The following EPS8L2 variants were observed in gnomAD, a reference collection of about 807,000 sequenced individuals.
EPS8L2 encodes epidermal growth factor receptor kinase substrate 8-like protein 2.
Under a neutral mutation model 99.4 loss-of-function variants are expected in EPS8L2, and 81 were observed. The observed-to-expected ratio is 0.82, with a 90% confidence interval of 0.68 to 0.98. The LOEUF (loss-of-function observed/expected upper bound fraction) is 0.98, where lower values mean the gene tolerates loss of function less well. Ranked by LOEUF, EPS8L2 falls within the 50% of genes least tolerant of loss-of-function variation. EPS8L2 has a pLI of 0.00. For synonymous variants in EPS8L2, 509 were observed against 407.3 expected (o/e 1.25, Z -3.01); for missense variants, 1,155 against 968.8 (o/e 1.19, Z -2.55).
chr11:720,989 AGG>A, intron 7 of EPS8L2, 73 bp from the exon 8 acceptor site: 1 of 1,420,462 alleles, frequency 7.0e-7, no homozygotes, highest in Non-Finnish European at 9.4e-7. Flanking sequence ...CCGGCAGGGG[AGG>A]GGAGGAGCCC....
intron 4 of EPS8L2, among the ~76,000 whole-genome samples, chr11:711,006 G>T (rs1039564707): frequency 8.5e-5 from 13 of 152,172 alleles, no homozygotes; most frequent in Non-Finnish European, 1.6e-4. Context: ...GATGGGAAGA[G>T]CCCCTGGAGG....
In EPS8L2 at chr11:722,350, T is replaced by C. The variant is rs769423936; in HGVS notation, c.1060-51T>C. 7.5e-6 allele frequency: 12 copies of C among 1,596,178 alleles called. No individual in the cohort carries two copies. The Admixed American group carries it at 1.0e-4, about 13-fold the overall frequency. Reference sequence around the variant, plus strand: ...CCAGCCTGTGGAGCTACGGGGGTGCTGGGCCAGGGTCTGTGGGCCTCAGTC... The same window carrying C: ...CCAGCCTGTGGAGCTACGGGGGTGCCGGGCCAGGGTCTGTGGGCCTCAGTC... On this transcript the variant is annotated intron_variant, in intron 12 of 20. Transcript: ENST00000318562.
At chr11:726,529 GAGGTGCGGCCGA>G in intron 19 of EPS8L2, 45 bp downstream of exon 19, 1 of 1,514,872 alleles carries the variant, frequency 6.6e-7, no homozygotes, top group Non-Finnish European at 8.8e-7. Context: ...CGAGGGGTGG[GAGGTGCGGCCGA>G]AGGTGCGCAG....
At chr11:711,455 CT>C (rs1861888891) in intron 4 of EPS8L2, among the ~76,000 whole-genome samples, 1 of 152,126 alleles carries the variant, frequency 6.6e-6, no homozygotes, top group South Asian at 2.1e-4. Context: ...AAGTGATCCC[CT>C]CACCTCAGCC....
In EPS8L2 at chr11:724,878, T is replaced by A; in HGVS notation, c.1560+49T>A. The A allele has an allele frequency of 7.1e-7, 1 of 1,405,460 alleles. No homozygotes were observed. The highest frequency in any genetic ancestry group is 1.0e-6 in the Non-Finnish European group (1 of 994,626). 87.1% of individuals were successfully genotyped at this position (1,405,460 alleles called of 1,614,324 possible). ...CAAGAGGGGGAAACAGGGCAGGGCTTCAAGGGAGGGGCTACCAGGGGAGGT... is the reference window on the plus strand; with the variant it reads ...CAAGAGGGGGAAACAGGGCAGGGCTACAAGGGAGGGGCTACCAGGGGAGGT... On this transcript the variant is annotated intron_variant, in intron 16 of 20. Transcript: ENST00000318562. This position sits in a 1 kb window ranked among gnomAD's most constrained non-coding sequence, Gnocchi z 5.5.
Position 724,705 on chromosome 11 carries a change from C to T in EPS8L2, c.1455-19C>T. On this transcript the variant is annotated intron_variant, in intron 15 of 20. Coordinates refer to ENST00000318562, the MANE Select transcript of EPS8L2 (RefSeq NM_022772.4). The surrounding 1 kb of genome is among the most constrained non-coding windows in gnomAD (Gnocchi z 5.5). Reference sequence around the variant, plus strand: ...AGACCCCCACCAGACTGGGCCTCAGCCCCTCCTGTTCCTCACAGGGGCTAC... The same window carrying T: ...AGACCCCCACCAGACTGGGCCTCAGTCCCTCCTGTTCCTCACAGGGGCTAC... 1.9e-6 allele frequency: 3 copies of T among 1,592,908 alleles called. No homozygotes were observed. The highest frequency in any genetic ancestry group is 1.1e-5 in the South Asian group (1 of 90,658).
At chr11:718,426 T>A (rs2133518465) in intron 4 of EPS8L2, among the ~76,000 whole-genome samples, 1 of 152,148 alleles carries the variant, frequency 6.6e-6, no homozygotes, top group Admixed American at 6.5e-5. Flanking sequence ...TTGTAATTCT[T>A]TCATTCAATG....
intron 10 of EPS8L2, 90 bp downstream of exon 10, chr11:721,781 A>G (rs775274365): frequency 6.6e-7 from 1 of 1,523,248 alleles, no homozygotes; most frequent in East Asian, 2.3e-5. Context: ...AGGGACATCC[A>G]TGGGGGCTAC....
At position 724,285 on chromosome 11, in the gene EPS8L2, C is replaced by T. The variant is rs370688881; in HGVS notation, c.1455-439C>T. On this transcript the variant is annotated intron_variant, in intron 15 of 20. Coordinates refer to ENST00000318562, the MANE Select transcript of EPS8L2 (RefSeq NM_022772.4). This position sits in a 1 kb window ranked among gnomAD's most constrained non-coding sequence, Gnocchi z 5.5. ...ACCCCACAGAGAGGAGCTTGAGACC[C>T]GTCCTCCACTGGACCATTTGGGCTG... is the stretch of plus-strand genomic sequence containing the variant. Among the ~76,000 whole-genome samples, 153 of 152,332 alleles carry T rather than the reference C, an allele frequency of 1.0e-3. No homozygotes were observed. The highest frequency in any genetic ancestry group is 3.1e-3 in the East Asian group (16 of 5,190).
intron 5 of EPS8L2, 187 bp downstream of exon 5, chr11:720,410 T>C: frequency 8.8e-7 from 1 of 1,135,694 alleles, no homozygotes; most frequent in Non-Finnish European, 1.2e-6. Context: ...CAGGGAAGTT[T>C]GGAAGCCGGG....
rs1214453901 is a variant in EPS8L2, at chr11:723,187, C to T, written c.1342-54C>T. 9 of 923,626 alleles carry T rather than the reference C, an allele frequency of 9.7e-6. No individual in the cohort carries two copies. In the East Asian group the frequency reaches 1.5e-4, roughly 15 times the overall value. 57.2% of individuals were successfully genotyped at this position (923,626 alleles called of 1,614,324 possible). On this transcript the variant is annotated intron_variant, in intron 14 of 20. Coordinates refer to ENST00000318562, the MANE Select transcript of EPS8L2 (RefSeq NM_022772.4). ...CAGCCCCTGTCATATGCCCCCTCGT[C>T]CTGGGACCCAGCCCCGCCCCATGTC... is the stretch of plus-strand genomic sequence containing the variant.
chr11:709,419 C>T lies in EPS8L2; in HGVS notation c.12C>T (p.Ser4=), dbSNP rs763464125. Residue 4 remains serine (S), a synonymous_variant, in exon 2 of 21, where the codon TCC becomes TCT. Transcript: ENST00000318562. MSQ[S]GAVSCCPGAT... ...CCACCCAAGACACCATGAGCCAGTC[C>T]GGGGCCGTGAGCTGCTGCCCGGGTG... 12 of 1,590,970 alleles carry T rather than the reference C, an allele frequency of 7.5e-6. No individual in the cohort carries two copies. The highest frequency in any genetic ancestry group is 1.0e-5 in the Non-Finnish European group (12 of 1,170,350).
rs762500201 is a variant in EPS8L2 at position 722,397 on chromosome 11, C to G, written c.1060-4C>G. On this transcript the variant is annotated splice_region_variant and splice_polypyrimidine_tract_variant and intron_variant, in intron 12 of 20. Transcript: ENST00000318562. The stretch of plus-strand genomic sequence containing the variant: ...AGTCCCCTCTGAACCTCACTGTGCC[C>G]CAGATCGTCAACACCTGCAGTGGCC... 6.2e-7 allele frequency: 1 copy of G among 1,612,510 alleles called. No individual in the cohort carries two copies. The highest frequency in any genetic ancestry group is 2.2e-5 in the East Asian group (1 of 44,858).
chr11:721,687 AGCAGGTGCAGGGGACAGGGACGGGGCCG>A lies in EPS8L2; in HGVS notation c.895+12_895+39del, dbSNP rs778691597. ...GGAAGAAGAAGGGCAAGAAGGCGCC[AGCAGGTGCAGGGGACAGGGACGGGGCCG>A]GCAGGTGCAGGGGACGGGGCCAGCA... On this transcript the variant is annotated splice_donor_variant and splice_donor_5th_base_variant and coding_sequence_variant and intron_variant, in exon 10 of 21. Transcript: ENST00000318562. LOFTEE classifies it high-confidence loss of function. 5.6e-6 allele frequency: 9 copies of A among 1,595,778 alleles called. No homozygotes were observed. Among genetic ancestry groups the A allele is most frequent in the East Asian group, 4.5e-5 (2 of 44,628 alleles).
intron 8 of EPS8L2, 31 bp from the exon 9 acceptor site, chr11:721,254 C>T (rs761824073): frequency 4.6e-6 from 7 of 1,537,976 alleles, no homozygotes; most frequent in South Asian, 1.2e-5. Context: ...TTGTGGGGGG[C>T]TCGGTGAGCA....
At chr11:713,708 C>A (rs553290360) in intron 4 of EPS8L2, among the ~76,000 whole-genome samples, 1 of 152,368 alleles carries the variant, frequency 6.6e-6, no homozygotes, top group South Asian at 2.1e-4. Context: ...CCACACCCAG[C>A]TAATTTTTTA....
chr11:727,395 C>T lies in EPS8L2; in HGVS notation c.*414C>T, dbSNP rs529457118. On this transcript the variant is annotated 3_prime_UTR_variant, in exon 21 of 21. Transcript: ENST00000318562. ...TCCAGGCTGGCCAGGCTGAACCTCG[C>T]ACACACGCAGAGTTCTGCTCCCTGA... 6.8e-5 allele frequency: 11 copies of T among 162,638 alleles called. No homozygotes were observed. In the South Asian group the frequency reaches 8.8e-4, roughly 13 times the overall value. 10.1% of individuals were successfully genotyped at this position (162,638 alleles called of 1,614,324 possible).
chr11:711,263 TGCGTGC>T (rs1265228541), intron 4 of EPS8L2, among the ~76,000 whole-genome samples: 160 of 135,724 alleles, frequency 1.2e-3, no homozygotes, highest in African/African-American at 3.3e-3. Flanking sequence ...CGTGTGTGCG[TGCGTGC>T]GTGTGTGTGT....
Position 726,344 on chromosome 11 carries a change from C to A in EPS8L2, c.1794C>A (p.Ile598=). The change falls in exon 19 of 21, where the codon ATC becomes ATA. Residue 598 remains isoleucine (I), a synonymous_variant. Coordinates refer to ENST00000318562, the MANE Select transcript of EPS8L2 (RefSeq NM_022772.4). ...TGGACGAGGTCAACGACGAGCTCAT[C>A]CGGAAAATCAGCAACATCAGGGCGC... ...QHMDEVNDEL[I]RKISNIRAQP... 1 of 1,610,940 alleles carries A rather than the reference C, an allele frequency of 6.2e-7. No individual in the cohort carries two copies. Among genetic ancestry groups the A allele is most frequent in the Non-Finnish European group, 8.5e-7 (1 of 1,179,236 alleles).
Sources: gnomAD v4.1 joint callset for allele counts (sites outside exome capture counted in the v4.1 genomes callset) on GRCh38, gnomAD v4.1.1 for gene constraint, Gnocchi (gnomAD v3.1) non-coding constraint, MANE v1.5 for transcripts, NCBI Gene and HGNC (gene_info 2026-07-23, HGNC 2026-07-21) for gene names.